MESP2: variants seen among roughly 807,000 people sequenced by gnomAD.
The protein encoded by MESP2 is mesoderm posterior protein 2.
MESP2 carries 34 observed loss-of-function variants against 37.8 expected under a neutral mutation model. The observed-to-expected ratio is 0.90, with a 90% CI of 0.68 to 1.20. MESP2 has a LOEUF of 1.20. Ranked by LOEUF, MESP2 falls within the 50% of genes most tolerant of loss-of-function variation. The pLI is 0.00. For missense variants in MESP2, 646 were observed against 545.3 expected, an observed-to-expected ratio of 1.18 and a Z score of -1.84; for synonymous variants, 303 against 251.6, an observed-to-expected ratio of 1.20 and a Z score of -1.93.
In MESP2 at chr15:89,776,744, C is replaced by T. The variant is rs1968369953; in HGVS notation, c.387C>T (p.Ile129=). ...LTKIETLRLA[I]RYIGHLSAVL... ...AGATCGAGACGCTGCGCCTGGCCAT[C>T]CGCTACATCGGCCACCTATCGGCCG... Residue 129 remains isoleucine (I), a synonymous_variant, in exon 1 of 2, where the codon ATC becomes ATT. Coordinates refer to ENST00000341735, the MANE Select transcript of MESP2 (RefSeq NM_001039958.2). 6.4e-7 allele frequency: 1 copy of T among 1,550,436 alleles called. No homozygotes were observed. The highest frequency in any genetic ancestry group is 8.7e-7 in the Non-Finnish European group (1 of 1,154,522).
Position 89,776,644 on chromosome 15 carries a change from C to G in MESP2, c.287C>G (p.Thr96Arg). The G allele has an allele frequency of 6.6e-7, 1 of 1,524,340 alleles. No individual in the cohort carries two copies. The highest frequency in any genetic ancestry group is 8.8e-7 in the Non-Finnish European group (1 of 1,142,700). 94.4% of individuals were successfully genotyped at this position (1,524,340 alleles called of 1,614,324 possible). A position where few individuals can be genotyped will look rare whatever the true frequency, so the allele number is the denominator to read the frequency against. Residue 96 changes from threonine to arginine, a missense_variant, in exon 1 of 2, where the codon ACG becomes AGG. By Grantham distance (71) the Thr-to-Arg change is moderately conservative (BLOSUM62 -1). Coordinates refer to ENST00000341735, the MANE Select transcript of MESP2 (RefSeq NM_001039958.2). ...GAGCGGGAGAAACTGCGCATGCGCA[C>G]GCTGGCCCGCGCCCTGCACGAGTTG... The part of the protein sequence containing the change: ...ASEREKLRMR[T>R]LARALHELRR...
chr15:89,776,648 G>C lies in MESP2; in HGVS notation c.291G>C (p.Leu97=), dbSNP rs778958397. 9 of 1,529,454 alleles carry C rather than the reference G, an allele frequency of 5.9e-6. No individual in the cohort carries two copies. The East Asian group carries it at 2.0e-4, about 35-fold the overall frequency. 94.7% of individuals were successfully genotyped at this position (1,529,454 alleles called of 1,614,324 possible). A position where few individuals can be genotyped will look rare whatever the true frequency, so the allele number is the denominator to read the frequency against. Residue 97 remains leucine (L), a synonymous_variant, in exon 1 of 2, where the codon CTG becomes CTC. Transcript: ENST00000341735. The part of the protein sequence containing the change: ...SEREKLRMRT[L]ARALHELRRF... ...GGGAGAAACTGCGCATGCGCACGCT[G>C]GCCCGCGCCCTGCACGAGTTGCGCC...
Position 89,778,487 on chromosome 15 carries a change from G to C in MESP2, c.*153G>C. 2 of 1,025,542 alleles carry C rather than the reference G, an allele frequency of 2.0e-6. No homozygotes were observed. Among genetic ancestry groups the C allele is most frequent in the East Asian group, 5.2e-5 (2 of 38,480 alleles). The allele number at this position is 1,025,542 out of a possible 1,614,324, so 63.5% of individuals were successfully genotyped here. A position where few individuals can be genotyped will look rare whatever the true frequency, so the allele number is the denominator to read the frequency against. On this transcript the variant is annotated 3_prime_UTR_variant, in exon 2 of 2. Coordinates refer to ENST00000341735, the MANE Select transcript of MESP2 (RefSeq NM_001039958.2). ...AGGGAAGCAGTGTTTGAAATAGATA[G>C]CGGGTACCTTCCCTGGATGGAGTCA...
intron 1 of MESP2, 119 bp from the exon 2 acceptor site, chr15:89,777,946 A>G (rs771688396): frequency 4.1e-6 from 6 of 1,446,802 alleles, no homozygotes; most frequent in African/African-American, 1.4e-5. Context: ...GCTTTGCTGC[A>G]TTCATGGCAC....
Position 89,776,663 on chromosome 15 carries a change from C to G in MESP2, c.306C>G (p.His102Gln), listed in dbSNP as rs77473319. 3.3e-6 allele frequency: 5 copies of G among 1,537,038 alleles called. No individual in the cohort carries two copies. The highest frequency in any genetic ancestry group is 4.4e-6 in the Non-Finnish European group (5 of 1,148,588). Residue 102 changes from histidine (H) to glutamine (Q), a missense_variant, in exon 1 of 2, where the codon CAC becomes CAG. His to Gln is a conservative substitution (Grantham distance 24). Coordinates refer to ENST00000341735, the MANE Select transcript of MESP2 (RefSeq NM_001039958.2). ...LRMRTLARAL[H>Q]ELRRFLPPSL... Reference sequence around the variant, plus strand: ...TGCGCACGCTGGCCCGCGCCCTGCACGAGTTGCGCCGCTTTCTGCCTCCCT... The same window carrying G: ...TGCGCACGCTGGCCCGCGCCCTGCAGGAGTTGCGCCGCTTTCTGCCTCCCT...
At position 89,777,241 on chromosome 15, in the gene MESP2, C is replaced by T; in HGVS notation, c.884C>T (p.Thr295Met). 6.2e-7 allele frequency: 1 copy of T among 1,611,534 alleles called. No homozygotes were observed. The highest frequency in any genetic ancestry group is 8.5e-7 in the Non-Finnish European group (1 of 1,179,222). The change falls in exon 1 of 2, where the codon ACG (threonine) becomes ATG (methionine). Residue 295 changes from threonine to methionine, a missense_variant. Physicochemically the swap from Thr to Met is moderately conservative, Grantham distance 81. Transcript: ENST00000341735. ...CCCCGGAACCCACCAGTGCCCTGGA[C>T]GGCGGCCCCAGCAACTTTGGAGCTG... ...PEPRNPPVPW[T>M]AAPATLELAA...
rs1968399533 is a variant in MESP2 at position 89,778,485 on chromosome 15, T to C, written c.*151T>C. Reference sequence around the variant, plus strand: ...TCAGGGAAGCAGTGTTTGAAATAGATAGCGGGTACCTTCCCTGGATGGAGT... The same window carrying C: ...TCAGGGAAGCAGTGTTTGAAATAGACAGCGGGTACCTTCCCTGGATGGAGT... On this transcript the variant is annotated 3_prime_UTR_variant, in exon 2 of 2. Transcript: ENST00000341735. The C allele has an allele frequency of 4.8e-6, 5 of 1,045,652 alleles. No individual in the cohort carries two copies. The highest frequency in any genetic ancestry group is 3.2e-5 in the African/African-American group (2 of 63,158). 64.8% of individuals were successfully genotyped at this position (1,045,652 alleles called of 1,614,324 possible). A position where few individuals can be genotyped will look rare whatever the true frequency, so the allele number is the denominator to read the frequency against.
chr15:89,776,536 G>A lies in MESP2; in HGVS notation c.179G>A (p.Ser60Asn). The A allele has an allele frequency of 6.5e-7, 1 of 1,532,178 alleles. No homozygotes were observed. Among genetic ancestry groups the A allele is most frequent in the Middle Eastern group, 2.0e-4 (1 of 5,094 alleles). 94.9% of individuals were successfully genotyped at this position (1,532,178 alleles called of 1,614,324 possible). A position where few individuals can be genotyped will look rare whatever the true frequency, so the allele number is the denominator to read the frequency against. The change falls in exon 1 of 2, where the codon AGC becomes AAC. Residue 60 changes from serine to asparagine, a missense_variant. By Grantham distance (46) the Ser-to-Asn change is conservative (BLOSUM62 1). Transcript: ENST00000341735. Reference sequence around the variant, plus strand: ...CCGCAGCCACAGCCTCCGAGCTGCAGCTCCCGAGCCGCAGAGGCAGCCGCG... The same window carrying A: ...CCGCAGCCACAGCCTCCGAGCTGCAACTCCCGAGCCGCAGAGGCAGCCGCG... ...GLPQPQPPSC[S>N]SRAAEAAATT...
rs2141775257 is a variant in MESP2, at chr15:89,776,901, CA to C, written c.546del (p.Gln184ArgfsTer297). 1 of 429,256 alleles carries C rather than the reference CA, an allele frequency of 2.3e-6. No homozygotes were observed. The highest frequency in any genetic ancestry group is 3.1e-6 in the Non-Finnish European group (1 of 326,420). 26.6% of individuals were successfully genotyped at this position (429,256 alleles called of 1,614,324 possible). On this transcript the variant is annotated frameshift_variant, in exon 1 of 2. Transcript: ENST00000341735. LOFTEE classifies it high-confidence loss of function. ...GCAGACGCAGGCGGAGGGGCAGGGG[CA>C]AGGGCAGGGGCAGGGGCAGGGGCAA... ...EAQTQAEGQG[Q>X]GQGQGQGQGQ...
chr15:89,777,002 C>T lies in MESP2; in HGVS notation c.645C>T (p.Leu215=), dbSNP rs769875289. The change falls in exon 1 of 2, where the codon CTC becomes CTT. Residue 215 remains leucine (L), a synonymous_variant. Transcript: ENST00000341735. ...GRRPGLVSAV[L]AEASWGSPSA... is the part of the protein sequence containing the mutation. ...GGCCGGGCCTGGTCTCCGCCGTCCT[C>T]GCCGAGGCGTCCTGGGGATCCCCGT... The T allele has an allele frequency of 3.2e-6, 5 of 1,574,242 alleles. No homozygotes were observed. The highest frequency in any genetic ancestry group is 3.4e-6 in the Non-Finnish European group (4 of 1,161,180).
Position 89,778,397 on chromosome 15 carries a change from T to G in MESP2, c.*63T>G. ...CCTGTAGCTTGGGTGCCTCCTTATT[T>G]GTTAATTAGTGGCTTTTCATGTTCT... On this transcript the variant is annotated 3_prime_UTR_variant, in exon 2 of 2. Coordinates refer to ENST00000341735, the MANE Select transcript of MESP2 (RefSeq NM_001039958.2). The G allele has an allele frequency of 1.3e-6, 2 of 1,586,512 alleles. No homozygotes were observed.
At position 89,776,618 on chromosome 15, in the gene MESP2, C is replaced by A; in HGVS notation, c.261C>A (p.Ser87Arg). ...GPAGGQRQSA[S>R]EREKLRMRTL... ...CGGGCGGACAGCGGCAGAGCGCCAGCGAGCGGGAGAAACTGCGCATGCGCA... is the reference window on the plus strand; with the variant it reads ...CGGGCGGACAGCGGCAGAGCGCCAGAGAGCGGGAGAAACTGCGCATGCGCA... Residue 87 changes from serine (S) to arginine (R), a missense_variant, in exon 1 of 2, where the codon AGC (serine) becomes AGA (arginine). Physicochemically the swap from Ser to Arg is moderately radical, Grantham distance 110 (BLOSUM62 -1). Transcript: ENST00000341735. 1 of 1,521,282 alleles carries A rather than the reference C, an allele frequency of 6.6e-7. No homozygotes were observed. Among genetic ancestry groups the A allele is most frequent in the Non-Finnish European group, 8.8e-7 (1 of 1,141,562 alleles). 94.2% of individuals were successfully genotyped at this position (1,521,282 alleles called of 1,614,324 possible). A position where few individuals can be genotyped will look rare whatever the true frequency, so the allele number is the denominator to read the frequency against.
In MESP2 at chr15:89,776,653, G is replaced by A; in HGVS notation, c.296G>A (p.Arg99His). The change falls in exon 1 of 2, where the codon CGC becomes CAC. Residue 99 changes from arginine (R) to histidine (H), a missense_variant. Physicochemically the swap from Arg to His is conservative, Grantham distance 29 (BLOSUM62 0). Coordinates refer to ENST00000341735, the MANE Select transcript of MESP2 (RefSeq NM_001039958.2). ...REKLRMRTLA[R>H]ALHELRRFLP... ...AAACTGCGCATGCGCACGCTGGCCC[G>A]CGCCCTGCACGAGTTGCGCCGCTTT... 1 of 1,531,266 alleles carries A rather than the reference G, an allele frequency of 6.5e-7. No homozygotes were observed. Among genetic ancestry groups the A allele is most frequent in the South Asian group, 1.2e-5 (1 of 81,720 alleles). The allele number at this position is 1,531,266 out of a possible 1,614,324, so 94.9% of individuals were successfully genotyped here. A position where few individuals can be genotyped will look rare whatever the true frequency, so the allele number is the denominator to read the frequency against.
chr15:89,776,652 C>G lies in MESP2; in HGVS notation c.295C>G (p.Arg99Gly), dbSNP rs1482752912. 7.2e-6 allele frequency: 11 copies of G among 1,530,644 alleles called. No homozygotes were observed. Among genetic ancestry groups the G allele is most frequent in the Non-Finnish European group, 9.6e-6 (11 of 1,145,636 alleles). 94.8% of individuals were successfully genotyped at this position (1,530,644 alleles called of 1,614,324 possible). Residue 99 changes from arginine to glycine, a missense_variant, in exon 1 of 2, where the codon CGC (arginine) becomes GGC (glycine). By Grantham distance (125) the Arg-to-Gly change is moderately radical. Transcript: ENST00000341735. ...REKLRMRTLA[R>G]ALHELRRFLP... ...GAAACTGCGCATGCGCACGCTGGCCCGCGCCCTGCACGAGTTGCGCCGCTT... is the reference window on the plus strand; with the variant it reads ...GAAACTGCGCATGCGCACGCTGGCCGGCGCCCTGCACGAGTTGCGCCGCTT...
In MESP2 at chr15:89,778,184, G is replaced by C. The variant is rs199514997; in HGVS notation, c.1044G>C (p.Glu348Asp). ...TPGRCWSHSA[E>D]VVPNSEDQGP... The stretch of plus-strand genomic sequence containing the variant: ...GGAGGTGCTGGAGCCACAGTGCAGA[G>C]GTGGTGCCCAACTCAGAGGACCAGG... The change falls in exon 2 of 2, where the codon GAG becomes GAC. Residue 348 changes from glutamate to aspartate, a missense_variant. Coordinates refer to ENST00000341735, the MANE Select transcript of MESP2 (RefSeq NM_001039958.2). The C allele has an allele frequency of 6.2e-7, 1 of 1,613,718 alleles. No homozygotes were observed. Among genetic ancestry groups the C allele is most frequent in the East Asian group, 2.2e-5 (1 of 44,884 alleles).
In MESP2 at chr15:89,777,808, A is replaced by G. The variant is rs12900413; in HGVS notation, c.925-257A>G. 0.27 allele frequency among the ~76,000 whole-genome samples: 40,960 copies of G among 152,058 alleles called. 5,719 individuals carry two copies. Among genetic ancestry groups the G allele is most frequent in the African/African-American group, 0.31 (12,858 of 41,438 alleles). ...ACCCTAGGAAGTAGGTATTATCAGC[A>G]TCTCTATTTTACAGGTGAGAAAACT... On this transcript the variant is annotated intron_variant, in intron 1 of 1. Coordinates refer to ENST00000341735, the MANE Select transcript of MESP2 (RefSeq NM_001039958.2).
In MESP2 at chr15:89,778,058, C is replaced by T; in HGVS notation, c.925-7C>T. 1 of 1,612,958 alleles carries T rather than the reference C, an allele frequency of 6.2e-7. No homozygotes were observed. Among genetic ancestry groups the T allele is most frequent in the Non-Finnish European group, 8.5e-7 (1 of 1,180,020 alleles). On this transcript the variant is annotated splice_polypyrimidine_tract_variant and splice_region_variant and intron_variant, in intron 1 of 1. Transcript: ENST00000341735. ...CACTAACCAGGCTGCTCTCATCTCT[C>T]TTGCAGGGTCTCTCTGTGTCTCCAG...
chr15:89,776,363 C>T lies in MESP2; in HGVS notation c.6C>T (p.Ala2=), dbSNP rs2141773746. 6.5e-7 allele frequency: 1 copy of T among 1,531,812 alleles called. No homozygotes were observed. The highest frequency in any genetic ancestry group is 8.7e-7 in the Non-Finnish European group (1 of 1,145,878). The allele number at this position is 1,531,812 out of a possible 1,614,324, so 94.9% of individuals were successfully genotyped here. ...CCAGAGCCTGCAGCCCGGCCATGGC[C>T]CAGTCGCCTCCTCCGCAGAGCCTCC... M[A]QSPPPQSLLG... Residue 2 remains alanine (A), a synonymous_variant, in exon 1 of 2, where the codon GCC becomes GCT. Transcript: ENST00000341735.
In MESP2 at chr15:89,776,622, C is replaced by A. The variant is rs1294665222; in HGVS notation, c.265C>A (p.Arg89=). Residue 89 remains arginine, a synonymous_variant, in exon 1 of 2, where the codon CGG becomes AGG. Transcript: ENST00000341735. The part of the protein sequence containing the change: ...AGGQRQSASE[R]EKLRMRTLAR... ...CGGACAGCGGCAGAGCGCCAGCGAG[C>A]GGGAGAAACTGCGCATGCGCACGCT... 2 of 1,522,326 alleles carry A rather than the reference C, an allele frequency of 1.3e-6. No homozygotes were observed. Among genetic ancestry groups the A allele is most frequent in the Non-Finnish European group, 1.8e-6 (2 of 1,142,098 alleles). 94.3% of individuals were successfully genotyped at this position (1,522,326 alleles called of 1,614,324 possible).
Sources: allele counts gnomAD v4.1 joint callset (sites outside exome capture counted in the v4.1 genomes callset), GRCh38; gene constraint gnomAD v4.1.1; transcripts MANE v1.5; gene names NCBI Gene and HGNC (gene_info 2026-07-23, HGNC 2026-07-21).